Variants in GLI3 observed in about 807,000 individuals in gnomAD.
The protein encoded by GLI3 is transcription activator GLI3.
In GLI3, 20 loss-of-function variants were observed where a neutral mutation model predicts 100.8. That is an observed-to-expected ratio of 0.20 (90% CI 0.14 to 0.29). The LOEUF (loss-of-function observed/expected upper bound fraction) is 0.29. GLI3 is among the 10% of genes least tolerant of loss of function. The pLI is 1.00. For missense variants in GLI3, 2,040 were observed against 2,128.5 expected (o/e 0.96, Z 0.82); for synonymous variants, 938 against 860.5 (o/e 1.09, Z -1.58).
chr7:41,982,047 G>T (rs1317482546), intron 10 of GLI3, among the ~76,000 whole-genome samples: 1 of 152,136 alleles, frequency 6.6e-6, no homozygotes, highest in South Asian at 2.1e-4. Context: ...ATTTTCATAA[G>T]GTTAGCATCT....
At chr7:42,243,325 C>T (rs1480370596) in intron 1 of GLI3, among the ~76,000 whole-genome samples, 1 of 152,180 alleles carries the variant, frequency 6.6e-6, no homozygotes, top group Non-Finnish European at 1.5e-5. Flanking sequence ...ACAAATTATA[C>T]AGAGAATTTG....
chr7:42,108,022 T>G (rs529396597), intron 3 of GLI3, among the ~76,000 whole-genome samples: 13 of 152,292 alleles, frequency 8.5e-5, no homozygotes, highest in South Asian at 4.1e-4. Context: ...TTCAACCAAA[T>G]TTATTGCCCC....
At chr7:42,189,971 AACACACACACACACACACACAC>A (rs57107204) in intron 2 of GLI3, among the ~76,000 whole-genome samples, 17,397 of 143,398 alleles carry the variant, frequency 0.12, 1,078 homozygotes, top group African/African-American at 0.15. Context: ...GCATGGGCTC[AACACACACACACACACACACAC>A]ACACACACAC....
In GLI3 at chr7:41,967,610, G is replaced by T. The variant is rs764152858; in HGVS notation, c.2417C>A (p.Pro806His). 3 of 1,612,676 alleles carry T rather than the reference G, an allele frequency of 1.9e-6. No individual in the cohort carries two copies. In the South Asian group the frequency reaches 3.3e-5, roughly 18 times the overall value. The change falls in exon 14 of 15, where the codon CCT becomes CAT. Residue 806 changes from proline (P) to histidine (H), a missense_variant. Pro to His is a moderately conservative substitution (Grantham distance 77). This residue lies in a region of GLI3 where 327 missense variants were observed against 338.7 expected (regional missense o/e 0.97). Transcript: ENST00000395925. ...GTAGAACTCACCATTTCCTATGAGA[G>T]GAGAGACCGCAGGGGCTTTAGGGGG... ...ILPPKAPAVS[P>H]LIGNGTQSNN...
chr7:42,101,836 CT>C (rs1785470336), intron 3 of GLI3, among the ~76,000 whole-genome samples: 2 of 96,178 alleles, frequency 2.1e-5, no homozygotes, highest in African/African-American at 5.6e-5. Flanking sequence ...TCCCTCCACC[CT>C]CTCCCACCCC....
intron 2 of GLI3, among the ~76,000 whole-genome samples, chr7:42,159,564 A>T (rs1467875899): frequency 1.3e-5 from 2 of 152,354 alleles, no homozygotes; most frequent in Admixed American, 1.3e-4. Context: ...CTACTTCTTA[A>T]AATGCACTAT....
rs112021855 is a variant in GLI3 at position 42,155,980 on chromosome 7, C to T, written c.125-7512G>A. On this transcript the variant is annotated intron_variant, in intron 2 of 14. Transcript: ENST00000395925. ...AAGAGGTCTGCAGCCCCATCTCTACCCCCGGGAGGATGCTTCTGAACACTG... is the reference window on the plus strand; with the variant it reads ...AAGAGGTCTGCAGCCCCATCTCTACTCCCGGGAGGATGCTTCTGAACACTG... 1.2e-4 allele frequency among the ~76,000 whole-genome samples: 18 copies of T among 152,210 alleles called. 2 individuals are homozygous for T. The highest frequency in any genetic ancestry group is 4.3e-4 in the African/African-American group (18 of 41,556).
At chr7:42,130,846 C>G (rs572132982) in intron 3 of GLI3, among the ~76,000 whole-genome samples, 1 of 152,104 alleles carries the variant, frequency 6.6e-6, no homozygotes, top group East Asian at 1.9e-4. Context: ...TTTCAAACCA[C>G]TAAGGATAAA....
intron 3 of GLI3, among the ~76,000 whole-genome samples, chr7:42,112,134 G>A (rs989327519): frequency 5.3e-5 from 8 of 152,184 alleles, no homozygotes; most frequent in Non-Finnish European, 5.9e-5. Flanking sequence ...TTCATCTGCC[G>A]TCTATGATAA....
At chr7:42,180,434 G>A (rs1787569816) in intron 2 of GLI3, among the ~76,000 whole-genome samples, 1 of 152,244 alleles carries the variant, frequency 6.6e-6, no homozygotes, top group Admixed American at 6.5e-5. Context: ...AGGGGAAGGT[G>A]GCAGCTGGTG....
In GLI3 at chr7:42,248,418, G is replaced by A. The variant is rs553073829; in HGVS notation, c.-43+15576C>T. On this transcript the variant is annotated intron_variant, in intron 1 of 2. Transcript: ENST00000678978. Reference sequence around the variant, plus strand: ...TGATCACTTAACATTTTAAAATTATGTTCTAAATCACAGAGGCCTATCATT... The same window carrying A: ...TGATCACTTAACATTTTAAAATTATATTCTAAATCACAGAGGCCTATCATT... Among the ~76,000 whole-genome samples, 5 of 152,260 alleles carry A rather than the reference G, an allele frequency of 3.3e-5. No individual in the cohort carries two copies. In the South Asian group the frequency reaches 8.3e-4, roughly 25 times the overall value.
chr7:42,076,119 T>C (rs926725914), intron 4 of GLI3, among the ~76,000 whole-genome samples: 4 of 152,224 alleles, frequency 2.6e-5, no homozygotes, highest in African/African-American at 9.6e-5. Context: ...ACTGTTTTAC[T>C]TTGCAACTCC....
In GLI3 at chr7:42,048,582, G is replaced by A. The variant is rs765082337; in HGVS notation, c.588C>T (p.Tyr196=). The part of the protein sequence containing the change: ...SESPFSPPHP[Y]INPYMDYIRS... ...GGATATAGTCCATGTAGGGATTAAT[G>A]TAGGGATGTGGAGGGCTGAAGGGAG... The change falls in exon 5 of 15, where the codon TAC becomes TAT. Residue 196 remains tyrosine, a synonymous_variant. Coordinates refer to ENST00000395925, the MANE Select transcript of GLI3 (RefSeq NM_000168.6). 2 of 1,612,128 alleles carry A rather than the reference G, an allele frequency of 1.2e-6. No homozygotes were observed. The highest frequency in any genetic ancestry group is 8.5e-7 in the Non-Finnish European group (1 of 1,179,008).
At chr7:42,151,335 A>T (rs1786855336) in intron 2 of GLI3, 1 of 152,242 alleles carries the variant, frequency 6.6e-6, no homozygotes, top group Non-Finnish European at 1.5e-5. Flanking sequence ...CACTCTGTAT[A>T]CAGTGAAAGG....
At chr7:41,974,414 T>C (rs1432677503) in intron 12 of GLI3, among the ~76,000 whole-genome samples, 1 of 152,226 alleles carries the variant, frequency 6.6e-6, no homozygotes, top group African/African-American at 2.4e-5. Context: ...ACACAACTTT[T>C]GCCCACAAAT....
rs765236732 is a variant in GLI3, at chr7:41,966,111, C to T, written c.2962G>A (p.Gly988Arg). 9 of 1,575,712 alleles carry T rather than the reference C, an allele frequency of 5.7e-6. No homozygotes were observed. Among genetic ancestry groups the T allele is most frequent in the East Asian group, 4.6e-5 (2 of 43,258 alleles). The change falls in exon 15 of 15, where the codon GGG becomes AGG. Residue 988 changes from glycine (G) to arginine (R), a missense_variant. By Grantham distance (125) the Gly-to-Arg change is moderately radical. This residue lies in a region of GLI3 where 1,041 missense variants were observed against 924.0 expected (regional missense o/e 1.13). Coordinates refer to ENST00000395925, the MANE Select transcript of GLI3 (RefSeq NM_000168.6). This position sits in a 1 kb window ranked among gnomAD's most constrained non-coding sequence, Gnocchi z 5.8. ...RCSDGGAHGY[G>R]RRHLQPHDAP... ...TCGTGCGGCTGCAGGTGGCGCCGCCCGTAGCCGTGGGCTCCCCCGTCGCTG... is the reference window on the plus strand; with the variant it reads ...TCGTGCGGCTGCAGGTGGCGCCGCCTGTAGCCGTGGGCTCCCCCGTCGCTG...
intron 3 of GLI3, among the ~76,000 whole-genome samples, chr7:42,123,682 A>G (rs1786056483): frequency 6.6e-6 from 1 of 152,208 alleles, no homozygotes; most frequent in Non-Finnish European, 1.5e-5. Context: ...TAATTACCAA[A>G]AGTAAAGTGT....
At chr7:42,010,556 T>C (rs1202773476) in intron 10 of GLI3, among the ~76,000 whole-genome samples, 1 of 152,230 alleles carries the variant, frequency 6.6e-6, no homozygotes, top group African/African-American at 2.4e-5. Context: ...AAGTTTCTGA[T>C]GAAGTGTTAT....
At chr7:42,141,569 G>C (rs1283316679) in intron 3 of GLI3, among the ~76,000 whole-genome samples, 3 of 152,164 alleles carry the variant, frequency 2.0e-5, no homozygotes, top group African/African-American at 7.2e-5. Context: ...CTGCTTGGGA[G>C]GTAGAGGCAG....
Sources: gnomAD v4.1 joint callset for allele counts (sites outside exome capture counted in the v4.1 genomes callset) on GRCh38, gnomAD v4.1.1 for gene constraint, gnomAD v4.1.1 regional missense constraint, Gnocchi (gnomAD v3.1) non-coding constraint, MANE v1.5 for transcripts, NCBI Gene and HGNC (gene_info 2026-07-23, HGNC 2026-07-21) for gene names.